Variants in ADAMTS9 observed in about 807,000 individuals in gnomAD.
ADAMTS9 encodes A disintegrin and metalloproteinase with thrombospondin motifs 9.
ADAMTS9 carries 107 observed loss-of-function variants against 257.1 expected under a neutral mutation model. That is an observed-to-expected ratio of 0.42 (90% CI 0.36 to 0.49). The LOEUF is 0.49. Among genes scored for constraint, ADAMTS9 ranks in the 20% least tolerant of loss-of-function variants. The pLI is 0.03. For synonymous variants in ADAMTS9, 982 were observed against 880.9 expected (o/e 1.11, Z -2.03); for missense variants, 2,353 against 2,469.1 (o/e 0.95, Z 1.00).
At position 64,546,826 on chromosome 3, in the gene ADAMTS9, T is replaced by TG; in HGVS notation, c.4995dup (p.Ser1666GlnfsTer43). On this transcript the variant is annotated frameshift_variant, in exon 32 of 40. Transcript: ENST00000498707. LOFTEE classifies it high-confidence loss of function. ...TCCCTCAGGTAACAGGGGTGAACAC[T>TG]GGGGGGCTGCGTGCCTGGGCAGTTG... is the stretch of plus-strand genomic sequence containing the variant. 2 of 1,614,060 alleles carry TG rather than the reference T, an allele frequency of 1.2e-6. No individual in the cohort carries two copies. The highest frequency in any genetic ancestry group is 1.7e-6 in the Non-Finnish European group (2 of 1,179,974).
chr3:64,639,604 T>G (rs953663681), intron 12 of ADAMTS9, among the ~76,000 whole-genome samples: 6 of 152,196 alleles, frequency 3.9e-5, no homozygotes, highest in African/African-American at 1.4e-4. Context: ...TGGAATATCC[T>G]TGAGTCAAAA....
chr3:64,640,648 T>C (rs1315099126), intron 12 of ADAMTS9, among the ~76,000 whole-genome samples: 1 of 152,236 alleles, frequency 6.6e-6, no homozygotes, highest in African/African-American at 2.4e-5. Flanking sequence ...ATAGACTTCT[T>C]GGTTCCCAGC....
chr3:64,571,732 GCTTT>G (rs1473521223), intron 28 of ADAMTS9, among the ~76,000 whole-genome samples: 2 of 152,132 alleles, frequency 1.3e-5, no homozygotes, highest in Non-Finnish European at 2.9e-5. Flanking sequence ...TTCTTTTAAT[GCTTT>G]CTAACTTACC....
intron 38 of ADAMTS9, 52 bp downstream of exon 38, chr3:64,533,114 A>C: frequency 6.6e-7 from 1 of 1,513,386 alleles, no homozygotes; most frequent in South Asian, 1.2e-5. Flanking sequence ...TAAAGACAAG[A>C]ACGAAAGAAA....
At chr3:64,551,126 T>C in intron 30 of ADAMTS9, 64 bp from the exon 31 acceptor site, 10 of 1,531,120 alleles carry the variant, frequency 6.5e-6, no homozygotes, top group Non-Finnish European at 5.4e-6. Flanking sequence ...ACTGTAATTA[T>C]GTGTTTACCT....
chr3:64,590,095 T>G lies in ADAMTS9; in HGVS notation c.4356+4163A>C, dbSNP rs552979816. 3.9e-5 allele frequency: 6 copies of G among 152,204 alleles called. No homozygotes were observed. The East Asian group carries it at 1.2e-3, about 29-fold the overall frequency. The allele number at this position is 152,204 out of a possible 1,614,324, so 9.4% of individuals were successfully genotyped here. On this transcript the variant is annotated intron_variant, in intron 28 of 39. Transcript: ENST00000498707. ...TAAATGGAGCATGCATATTTCATAG[T>G]TGAGATTCAATAATTCAGGACAACA... is the stretch of plus-strand genomic sequence containing the variant.
chr3:64,669,091 C>T (rs114143082), intron 3 of ADAMTS9, among the ~76,000 whole-genome samples: 24 of 152,294 alleles, frequency 1.6e-4, no homozygotes, highest in African/African-American at 5.8e-4. Flanking sequence ...TCCTCCCCAG[C>T]CACAGGCCAC....
intron 20 of ADAMTS9, 68 bp downstream of exon 20, chr3:64,615,892 C>T: frequency 6.3e-7 from 1 of 1,585,788 alleles, no homozygotes; most frequent in Non-Finnish European, 8.6e-7. Context: ...GCTTACACAC[C>T]TGCAAGGAGC....
At chr3:64,581,606 A>G (rs910402777) in intron 28 of ADAMTS9, among the ~76,000 whole-genome samples, 4 of 152,210 alleles carry the variant, frequency 2.6e-5, no homozygotes, top group Non-Finnish European at 1.5e-5. Context: ...TGCTCAATTT[A>G]TAGCCTAGAA....
chr3:64,631,807 C>CTTACAGTACTTACTTACTTACAGTACTTA lies in ADAMTS9; in HGVS notation c.2293_2293+1insTAAGTACTGTAAGTAAGTAAGTACTGTAA (p.Gly765ValfsTer7). The CTTACAGTACTTACTTACTTACAGTACTTA allele has an allele frequency of 6.2e-7, 1 of 1,608,544 alleles. No homozygotes were observed. The highest frequency in any genetic ancestry group is 8.5e-7 in the Non-Finnish European group (1 of 1,175,658). ...CATGGTTCTTAGGAGCAGATTCTTA[C>CTTACAGTACTTACTTACTTACAGTACTTA]CATAATGTACTGTATTAAATGTTCC... On this transcript the variant is annotated stop_gained and frameshift_variant and splice_region_variant. Transcript: ENST00000498707. LOFTEE classifies it high-confidence loss of function.
intron 3 of ADAMTS9, among the ~76,000 whole-genome samples, chr3:64,659,858 C>CA (rs1208109341): frequency 4.6e-5 from 7 of 152,004 alleles, no homozygotes; most frequent in African/African-American, 9.7e-5. Flanking sequence ...CGTGGACCAG[C>CA]AAAATTGACA....
At chr3:64,585,217 G>A (rs560931535) in intron 28 of ADAMTS9, among the ~76,000 whole-genome samples, 1 of 152,272 alleles carries the variant, frequency 6.6e-6, no homozygotes, top group Non-Finnish European at 1.5e-5. Context: ...TTCTTCCTCT[G>A]TCCTAGCTAA....
intron 38 of ADAMTS9, among the ~76,000 whole-genome samples, chr3:64,528,938 G>A (rs1381315383): frequency 6.6e-6 from 1 of 151,980 alleles, no homozygotes; most frequent in Non-Finnish European, 1.5e-5. Flanking sequence ...CACAGACTCT[G>A]GCAGTCAGAT....
intron 4 of ADAMTS9, among the ~76,000 whole-genome samples, chr3:64,657,852 AAT>A (rs1424322491): frequency 6.6e-6 from 1 of 152,178 alleles, no homozygotes; most frequent in Non-Finnish European, 1.5e-5. Flanking sequence ...AGTTTTTAAC[AAT>A]AGACTTTGGT....
chr3:64,646,855 G>A (rs923245989), intron 11 of ADAMTS9, among the ~76,000 whole-genome samples: 1 of 152,056 alleles, frequency 6.6e-6, no homozygotes, highest in Non-Finnish European at 1.5e-5. Flanking sequence ...AATGAGGGTG[G>A]GGAGGGGCTG....
chr3:64,626,664 C>A (rs1440945089), intron 16 of ADAMTS9, among the ~76,000 whole-genome samples: 3 of 152,086 alleles, frequency 2.0e-5, no homozygotes, highest in African/African-American at 7.2e-5. Context: ...ACGTAAGAAA[C>A]CTGTAGTCCT....
chr3:64,554,747 G>A (rs114344275), intron 30 of ADAMTS9, among the ~76,000 whole-genome samples: 9 of 152,228 alleles, frequency 5.9e-5, no homozygotes, highest in African/African-American at 1.9e-4. Context: ...CGGGCAGCTC[G>A]CCCATTGTTC....
At chr3:64,603,282 A>G (rs1034847974) in intron 25 of ADAMTS9, among the ~76,000 whole-genome samples, 1 of 152,168 alleles carries the variant, frequency 6.6e-6, no homozygotes, top group South Asian at 2.1e-4. Context: ...TTCTCTCTCT[A>G]TATTATGATA....
chr3:64,546,684 G>T (rs1559757007), intron 32 of ADAMTS9, 74 bp downstream of exon 32: 3 of 1,453,502 alleles, frequency 2.1e-6, no homozygotes, highest in Non-Finnish European at 2.8e-6. Flanking sequence ...AGGAGAGCGG[G>T]TTAGGCAGGA....
Sources: gnomAD v4.1 joint callset for allele counts (sites outside exome capture counted in the v4.1 genomes callset) on GRCh38, gnomAD v4.1.1 for gene constraint, MANE v1.5 for transcripts, NCBI Gene and HGNC (gene_info 2026-07-23, HGNC 2026-07-21) for gene names.